The following UGT1A7 variants were observed in gnomAD, a reference collection of about 807,000 sequenced individuals.
The protein encoded by UGT1A7 is UDP-glucuronosyltransferase 1A7.
A neutral mutation model predicts 45.6 loss-of-function variants in UGT1A7; 33 were observed. The observed-to-expected ratio is 0.72, with a 90% confidence interval of 0.55 to 0.97. UGT1A7 has a LOEUF of 0.97. UGT1A7 is among the 50% of genes least tolerant of loss of function. The pLI, the probability that UGT1A7 is intolerant of heterozygous loss-of-function variation, is 0.00. For synonymous variants in UGT1A7, 274 were observed against 250.6 expected (o/e 1.09, Z -0.88); for missense variants, 684 against 666.2 (o/e 1.03, Z -0.29).
intron 1 of UGT1A7, among the ~76,000 whole-genome samples, chr2:233,717,363 T>C (rs2076566761): frequency 6.6e-6 from 1 of 152,216 alleles, no homozygotes; most frequent in Admixed American, 6.5e-5. Context: ...TGGGGAGTTC[T>C]CAAGCCCTTA....
At chr2:233,743,505 A>G (rs761358710) in intron 1 of UGT1A7, 1 of 1,367,266 alleles carries the variant, frequency 7.3e-7, no homozygotes, top group Non-Finnish European at 9.8e-7. Context: ...AAAGGGGTGC[A>G]GACGCTCTGC....
At chr2:233,712,924 G>C in intron 1 of UGT1A7, 3 of 1,611,998 alleles carry the variant, frequency 1.9e-6, no homozygotes, top group Non-Finnish European at 1.7e-6. Flanking sequence ...AGGTAATTAA[G>C]ACGAAGGAAA....
intron 1 of UGT1A7, chr2:233,690,377 C>A: frequency 1.1e-6 from 1 of 925,258 alleles, no homozygotes; most frequent in Non-Finnish European, 1.5e-6. Context: ...TCCATAGGGT[C>A]CACGTTTCCA....
chr2:233,767,304 G>T, intron 2 of UGT1A7, 139 bp downstream of exon 2: 23 of 1,525,164 alleles, frequency 1.5e-5, no homozygotes, highest in South Asian at 2.6e-5. Context: ...TTAATCCAAA[G>T]GTTTTTTTTG....
chr2:233,761,233 T>G, intron 1 of UGT1A7: 1 of 1,613,114 alleles, frequency 6.2e-7, no homozygotes, highest in South Asian at 1.1e-5. Flanking sequence ...CCCAGATATA[T>G]GCTGAGCAAG....
At chr2:233,697,646 C>T (rs1000936615) in intron 1 of UGT1A7, among the ~76,000 whole-genome samples, 2 of 150,654 alleles carry the variant, frequency 1.3e-5, no homozygotes, top group African/African-American at 4.9e-5. Context: ...TTTTTAGTTC[C>T]TTGAGGTGCA....
At chr2:233,722,046 G>GT (rs1419489243) in intron 1 of UGT1A7, 1 of 233,802 alleles carries the variant, frequency 4.3e-6, no homozygotes, top group East Asian at 1.2e-4. Flanking sequence ...ATTTTGTGGT[G>GT]TTTCTGGGTC....
intron 1 of UGT1A7, among the ~76,000 whole-genome samples, chr2:233,744,197 G>A (rs540976533): frequency 1.3e-5 from 2 of 151,982 alleles, no homozygotes; most frequent in East Asian, 1.9e-4. Flanking sequence ...TCTCCAAAAA[G>A]GATGGGAAAA....
rs369139290 is a variant in UGT1A7, at chr2:233,718,874, C to T, written c.855+36082C>T. On this transcript the variant is annotated intron_variant, in intron 1 of 4. Transcript: ENST00000373426. The stretch of plus-strand genomic sequence containing the variant: ...CGCGGCTGGCCACAGGACTGCTGCT[C>T]CTCCTCAGTGTCCAGCCCTGGGCTG... 2.2e-4 allele frequency: 356 copies of T among 1,613,870 alleles called. 2 individuals carry two copies. The highest frequency in any genetic ancestry group is 7.5e-4 in the Admixed American group (45 of 60,022).
chr2:233,693,456 C>G, intron 1 of UGT1A7: 1 of 1,614,120 alleles, frequency 6.2e-7, no homozygotes, highest in Non-Finnish European at 8.5e-7. Flanking sequence ...TTCACAGACC[C>G]AGCCTTACCC....
chr2:233,718,384 C>A (rs1299175522), intron 1 of UGT1A7, among the ~76,000 whole-genome samples: 1 of 152,166 alleles, frequency 6.6e-6, no homozygotes, highest in Non-Finnish European at 1.5e-5. Flanking sequence ...GAAAGAGTTT[C>A]AAGGGTTAGC....
chr2:233,713,508 T>C, intron 1 of UGT1A7: 2 of 1,613,988 alleles, frequency 1.2e-6, no homozygotes, highest in South Asian at 2.2e-5. Context: ...TGTGTTTTTC[T>C]TGAGGAACAT....
intron 1 of UGT1A7, chr2:233,743,681 C>A: frequency 7.3e-7 from 1 of 1,367,264 alleles, no homozygotes; most frequent in Non-Finnish European, 9.8e-7. Flanking sequence ...GGGCCTGCCG[C>A]CTGTGCAGCC....
Position 233,682,435 on chromosome 2 carries a change from G to T in UGT1A7, c.498G>T (p.Val166=). Residue 166 remains valine (V), a synonymous_variant, in exon 1 of 5, where the codon GTG becomes GTT. Coordinates refer to ENST00000373426, the MANE Select transcript of UGT1A7 (RefSeq NM_019077.3). The part of the protein sequence containing the change: ...IVAKYFSLPS[V]VFARGIFCHY... ...CCAAATATTTCTCCCTCCCCTCTGT[G>T]GTCTTCGCCAGGGGAATATTTTGCC... 6.2e-7 allele frequency: 1 copy of T among 1,613,760 alleles called. No individual in the cohort carries two copies. Among genetic ancestry groups the T allele is most frequent in the Non-Finnish European group, 8.5e-7 (1 of 1,179,834 alleles).
intron 1 of UGT1A7, among the ~76,000 whole-genome samples, chr2:233,689,423 G>C (rs2074942211): frequency 6.6e-6 from 1 of 152,216 alleles, no homozygotes; most frequent in African/African-American, 2.4e-5. Flanking sequence ...CTAATGGCTT[G>C]CAAGTAAAGG....
chr2:233,741,211 A>G (rs764528916), intron 1 of UGT1A7, among the ~76,000 whole-genome samples: 2 of 151,912 alleles, frequency 1.3e-5, no homozygotes, highest in African/African-American at 2.4e-5. Flanking sequence ...AACTAGCCAG[A>G]GTTGTTACAG....
chr2:233,736,812 A>G (rs2078811468), intron 1 of UGT1A7, among the ~76,000 whole-genome samples: 1 of 152,062 alleles, frequency 6.6e-6, no homozygotes, highest in South Asian at 2.1e-4. Context: ...CTGGAGGTCC[A>G]CTCCAGATGC....
intron 1 of UGT1A7, chr2:233,754,561 A>G (rs1695515427): frequency 2.5e-6 from 1 of 393,304 alleles, no homozygotes; most frequent in Non-Finnish European, 5.1e-6. Context: ...GTCAATGGGG[A>G]GCAACTGCTC....
Position 233,682,036 on chromosome 2 carries a change from G to A in UGT1A7, c.99G>A (p.Met33Ile). 6.2e-7 allele frequency: 1 copy of A among 1,614,116 alleles called. No homozygotes were observed. Among genetic ancestry groups the A allele is most frequent in the Admixed American group, 1.7e-5 (1 of 59,992 alleles). The change falls in exon 1 of 5, where the codon ATG (methionine) becomes ATA (isoleucine). Residue 33 changes from methionine to isoleucine, a missense_variant. Met to Ile is a conservative substitution (Grantham distance 10, BLOSUM62 1). Coordinates refer to ENST00000373426, the MANE Select transcript of UGT1A7 (RefSeq NM_019077.3). Reference protein sequence around the residue: ...AKAGKLLVVPMDGSHWFTMQS... With the variant: ...AKAGKLLVVPIDGSHWFTMQS... ...CAGGGAAGCTGCTGGTAGTGCCCAT[G>A]GATGGGAGCCACTGGTTCACCATGC...
Sources: gnomAD v4.1 joint callset for allele counts (sites outside exome capture counted in the v4.1 genomes callset) on GRCh38, gnomAD v4.1.1 for gene constraint, MANE v1.5 for transcripts, NCBI Gene and HGNC (gene_info 2026-07-23, HGNC 2026-07-21) for gene names.